Variants in CFAP100 observed in about 807,000 individuals in gnomAD.
CFAP100 encodes cilia and flagella associated protein 100, also known as cilia- and flagella-associated protein 100.
A neutral mutation model predicts 81.5 loss-of-function variants in CFAP100; 70 were observed. The observed-to-expected ratio is 0.86, with a 90% CI of 0.71 to 1.05. The LOEUF (loss-of-function observed/expected upper bound fraction) is 1.05, where lower values mean the gene tolerates loss of function less well. Among genes scored for constraint, CFAP100 ranks in the 50% least tolerant of loss-of-function variants. The probability of loss-of-function intolerance (pLI) is 0.00; values close to 1 mark genes in which losing one functional copy is unlikely to be tolerated. For missense variants in CFAP100, 811 were observed against 776.5 expected (o/e 1.04, Z -0.53); for synonymous variants, 341 against 314.8 (o/e 1.08, Z -0.88).
chr3:126,434,413 T>C (rs1933363337), intron 15 of CFAP100, 32 bp downstream of exon 15: 1 of 1,593,842 alleles, frequency 6.3e-7, no homozygotes, highest in East Asian at 2.2e-5. Flanking sequence ...CCAGCTGCTG[T>C]GTCCTGGCTG....
intron 2 of CFAP100, among the ~76,000 whole-genome samples, chr3:126,403,237 C>T (rs2083014070): frequency 6.6e-6 from 1 of 151,938 alleles, no homozygotes; most frequent in African/African-American, 2.4e-5. Flanking sequence ...TCCGCTGGGG[C>T]TGGAACTGAA....
chr3:126,418,709 G>A lies in CFAP100; in HGVS notation c.585G>A (p.Lys195=), dbSNP rs775712476. ...AGCGGGCCGAGAAATCCCTGGAGAA[G>A]GACGCCGCCTTGTTCGACGAGTTCG... The part of the protein sequence containing the change: ...RLERAEKSLE[K]DAALFDEFVR... Residue 195 remains lysine (K), a synonymous_variant, in exon 7 of 17, where the codon AAG becomes AAA. Coordinates refer to ENST00000352312, the MANE Select transcript of CFAP100 (RefSeq NM_182628.3). The A allele has an allele frequency of 1.3e-6, 2 of 1,590,720 alleles. No homozygotes were observed. Among genetic ancestry groups the A allele is most frequent in the Non-Finnish European group, 1.7e-6 (2 of 1,169,382 alleles).
intron 13 of CFAP100, among the ~76,000 whole-genome samples, chr3:126,425,804 G>T (rs1350668002): frequency 2.0e-5 from 3 of 152,086 alleles, no homozygotes; most frequent in Non-Finnish European, 4.4e-5. Flanking sequence ...TGTTAAATAA[G>T]AAAAGTCACA....
At chr3:126,433,486 G>A (rs563568449) in intron 14 of CFAP100, 7 of 380,990 alleles carry the variant, frequency 1.8e-5, no homozygotes, top group South Asian at 1.8e-4. Context: ...TGATCCTGAA[G>A]GGGGGGAAGA....
At chr3:126,422,310 G>A (rs539859345) in intron 11 of CFAP100, among the ~76,000 whole-genome samples, 1 of 152,348 alleles carries the variant, frequency 6.6e-6, no homozygotes, top group Admixed American at 6.5e-5. Context: ...TGCAGTGTGA[G>A]GCGTGGGTCT....
rs1361011774 is a variant in CFAP100 at position 126,434,403 on chromosome 3, C to A, written c.1628+22C>A. Reference sequence around the variant, plus strand: ...TCAGGTGAGCTCTAGGCTCTCCCTGCCAGCTGCTGTGTCCTGGCTGGCCCT... The same window carrying A: ...TCAGGTGAGCTCTAGGCTCTCCCTGACAGCTGCTGTGTCCTGGCTGGCCCT... On this transcript the variant is annotated intron_variant, in intron 15 of 16. Coordinates refer to ENST00000352312, the MANE Select transcript of CFAP100 (RefSeq NM_182628.3). The A allele has an allele frequency of 1.9e-6, 3 of 1,602,170 alleles. No individual in the cohort carries two copies. In the African/African-American group the frequency reaches 4.0e-5, roughly 21 times the overall value.
intron 2 of CFAP100, among the ~76,000 whole-genome samples, chr3:126,397,885 G>A (rs977232832): frequency 6.6e-6 from 1 of 152,230 alleles, no homozygotes; most frequent in Non-Finnish European, 1.5e-5. Context: ...CAACCAGAGG[G>A]CCCAGGGCAG....
chr3:126,434,905 G>C (rs1933381869), intron 15 of CFAP100, among the ~76,000 whole-genome samples: 1 of 152,176 alleles, frequency 6.6e-6, no homozygotes. Context: ...TTTCAGCTCA[G>C]AGGGGAGTGG....
chr3:126,402,732 G>A (rs1007061121), intron 2 of CFAP100, among the ~76,000 whole-genome samples: 2 of 151,994 alleles, frequency 1.3e-5, no homozygotes, highest in African/African-American at 4.8e-5. Context: ...TCTAGGCTCA[G>A]GAAGGCCCCA....
chr3:126,416,237 A>T, intron 4 of CFAP100, 79 bp from the exon 5 acceptor site: 1 of 943,012 alleles, frequency 1.1e-6, no homozygotes, highest in Non-Finnish European at 1.5e-6. Flanking sequence ...CCGCGTCCCT[A>T]GGAATGGGGA....
Position 126,433,181 on chromosome 3 carries a change from G to T in CFAP100, c.1399G>T (p.Gly467Cys). The T allele has an allele frequency of 6.2e-7, 1 of 1,614,186 alleles. No homozygotes were observed. The highest frequency in any genetic ancestry group is 8.5e-7 in the Non-Finnish European group (1 of 1,180,032). The change falls in exon 14 of 17, where the codon GGC (glycine) becomes TGC (cysteine). Residue 467 changes from glycine (G) to cysteine (C), a missense_variant. Transcript: ENST00000352312. Reference sequence around the variant, plus strand: ...GCTCAAAGCCCGAGTCTTCCACTTCGGCGAGTACAAGGGCGATCAGCAGGT... The same window carrying T: ...GCTCAAAGCCCGAGTCTTCCACTTCTGCGAGTACAAGGGCGATCAGCAGGT... ...LELKARVFHF[G>C]EYKGDQQDKL...
At chr3:126,429,329 T>C (rs1351335457) in intron 13 of CFAP100, among the ~76,000 whole-genome samples, 2 of 152,158 alleles carry the variant, frequency 1.3e-5, no homozygotes, top group African/African-American at 4.8e-5. Flanking sequence ...CATTGTTTTT[T>C]CTGGATTGTC....
chr3:126,420,607 A>G (rs1301738946), intron 11 of CFAP100: 1 of 209,628 alleles, frequency 4.8e-6, no homozygotes, highest in African/African-American at 2.3e-5. Context: ...TGGACAGTGG[A>G]TTGGGTGGTT....
chr3:126,430,602 T>A (rs1576647663), intron 13 of CFAP100, among the ~76,000 whole-genome samples: 1 of 152,112 alleles, frequency 6.6e-6, no homozygotes, highest in African/African-American at 2.4e-5. Flanking sequence ...CATAAGCTTT[T>A]TTCTCTTTTT....
At chr3:126,423,241 G>A (rs1026974020) in intron 11 of CFAP100, 84 bp from the exon 12 acceptor site, 12 of 1,136,716 alleles carry the variant, frequency 1.1e-5, no homozygotes, top group African/African-American at 4.6e-5. Context: ...TGCTGCCAAC[G>A]CCTTCAAGAC....
chr3:126,410,706 C>A (rs546691376), intron 3 of CFAP100, among the ~76,000 whole-genome samples: 1 of 152,238 alleles, frequency 6.6e-6, no homozygotes, highest in African/African-American at 2.4e-5. Context: ...CAGTGAGGAC[C>A]CTCATTTTAA....
rs534666010 is a variant in CFAP100 at position 126,398,333 on chromosome 3, A to G, written c.49+2284A>G. On this transcript the variant is annotated intron_variant, in intron 2 of 16. Transcript: ENST00000352312. ...CCTGCGGCTGGTCCCTCTGGGCCAG[A>G]ACCCTGCCTGAGCCTCACTGTGGGT... 1.4e-4 allele frequency among the ~76,000 whole-genome samples: 22 copies of G among 152,338 alleles called. No homozygotes were observed. The South Asian group carries it at 2.1e-3, about 14-fold the overall frequency.
intron 7 of CFAP100, 89 bp downstream of exon 7, chr3:126,418,863 C>G: frequency 7.0e-7 from 1 of 1,435,078 alleles, no homozygotes; most frequent in Non-Finnish European, 9.3e-7. Context: ...CAGCCTCTGC[C>G]CCCAGCCCCT....
intron 2 of CFAP100, among the ~76,000 whole-genome samples, chr3:126,397,303 A>G (rs1351610323): frequency 3.9e-4 from 60 of 152,176 alleles, no homozygotes; most frequent in Non-Finnish European, 1.3e-4. Flanking sequence ...TGCTATAAAC[A>G]GTGACCCCCA....
Sources: allele counts gnomAD v4.1 joint callset (sites outside exome capture counted in the v4.1 genomes callset), GRCh38; gene constraint gnomAD v4.1.1; transcripts MANE v1.5; gene names NCBI Gene and HGNC (gene_info 2026-07-23, HGNC 2026-07-21).